The following SETBP1 variants were observed in gnomAD, a reference collection of about 807,000 sequenced individuals.
The protein encoded by SETBP1 is SET binding protein 1, also known as SET-binding protein.
Under a neutral mutation model 101.0 loss-of-function variants are expected in SETBP1, and 9 were observed. The ratio of observed to expected loss-of-function variants is 0.09; its 90% CI spans 0.05 to 0.16. The LOEUF (loss-of-function observed/expected upper bound fraction) is 0.16. Among genes scored for constraint, SETBP1 ranks in the 10% least tolerant of loss-of-function variants. SETBP1 has a pLI of 1.00. For synonymous variants in SETBP1, 818 were observed against 788.5 expected (o/e 1.04, Z -0.63); for missense variants, 1,858 against 2,033.8 (o/e 0.91, Z 1.66).
chr18:44,940,554 G>A (rs1330282537), intron 3 of SETBP1, among the ~76,000 whole-genome samples: 1 of 152,028 alleles, frequency 6.6e-6, no homozygotes, highest in Non-Finnish European at 1.5e-5. Flanking sequence ...TTGCTGTAGA[G>A]ATTACAATGC....
chr18:44,740,286 TGAC>T (rs2070067102), intron 2 of SETBP1, among the ~76,000 whole-genome samples: 1 of 152,138 alleles, frequency 6.6e-6, no homozygotes, highest in Admixed American at 6.5e-5. Context: ...TTTACGCTAA[TGAC>T]GATATTACCT....
At chr18:44,838,080 G>A (rs2072534723) in intron 2 of SETBP1, among the ~76,000 whole-genome samples, 1 of 152,120 alleles carries the variant, frequency 6.6e-6, no homozygotes, top group Non-Finnish European at 1.5e-5. Flanking sequence ...GATGATCCCA[G>A]GCTTAAGGAT....
intron 4 of SETBP1, among the ~76,000 whole-genome samples, chr18:45,012,356 G>A (rs977983380): frequency 3.3e-5 from 5 of 152,084 alleles, no homozygotes; most frequent in Admixed American, 2.0e-4. Flanking sequence ...TTGGCTAGTC[G>A]GAATAATTTC....
At chr18:44,751,305 G>C (rs918989845) in intron 2 of SETBP1, among the ~76,000 whole-genome samples, 5 of 152,170 alleles carry the variant, frequency 3.3e-5, no homozygotes, top group Admixed American at 2.6e-4. Flanking sequence ...TCTTTAGCTG[G>C]AAGACCTTCA....
chr18:44,948,129 C>A (rs947756216), intron 3 of SETBP1, among the ~76,000 whole-genome samples: 1 of 152,158 alleles, frequency 6.6e-6, no homozygotes, highest in Non-Finnish European at 1.5e-5. Context: ...CGGATTAATT[C>A]TCTATATGTT....
intron 4 of SETBP1, among the ~76,000 whole-genome samples, chr18:45,027,704 A>G (rs1255043400): frequency 6.6e-6 from 1 of 152,200 alleles, no homozygotes; most frequent in African/African-American, 2.4e-5. Flanking sequence ...TGGGCACCAA[A>G]GGAAGTGTTC....
In SETBP1 at chr18:45,063,946, T is replaced by G; in HGVS notation, c.*248T>G. 1 of 434,614 alleles carries G rather than the reference T, an allele frequency of 2.3e-6. No individual in the cohort carries two copies. The highest frequency in any genetic ancestry group is 4.2e-6 in the Non-Finnish European group (1 of 237,056). 26.9% of individuals were successfully genotyped at this position (434,614 alleles called of 1,614,324 possible). On this transcript the variant is annotated 3_prime_UTR_variant, in exon 6 of 6. Coordinates refer to ENST00000649279, the MANE Select transcript of SETBP1 (RefSeq NM_015559.3). ...CAGCTCCCACCACGCGGCGCTTCAG[T>G]ACGGCTGGATCCTCCGCAGGCGAGC...
intron 2 of SETBP1, among the ~76,000 whole-genome samples, chr18:44,786,892 T>A (rs1382340644): frequency 1.3e-5 from 2 of 152,218 alleles, no homozygotes; most frequent in African/African-American, 4.8e-5. Context: ...CCATCAGCTG[T>A]CGTGCTGAGG....
At chr18:44,897,330 T>A (rs2069930096) in intron 3 of SETBP1, among the ~76,000 whole-genome samples, 1 of 152,062 alleles carries the variant, frequency 6.6e-6, no homozygotes, top group African/African-American at 2.4e-5. Flanking sequence ...ACCTTCTGTA[T>A]ATTAGAAAGG....
At chr18:44,697,431 A>T (rs1021689558) in intron 1 of SETBP1, 1 of 152,324 alleles carries the variant, frequency 6.6e-6, no homozygotes, top group Admixed American at 6.5e-5. Context: ...GGGCTGGATT[A>T]TAATCCTCAG....
chr18:44,916,399 T>C (rs1416259726), intron 3 of SETBP1, among the ~76,000 whole-genome samples: 2 of 152,234 alleles, frequency 1.3e-5, no homozygotes, highest in African/African-American at 4.8e-5. Context: ...AATTTTCCCA[T>C]AGAGGACAAT....
intron 2 of SETBP1, among the ~76,000 whole-genome samples, chr18:44,736,493 G>A (rs2069970946): frequency 6.6e-6 from 1 of 152,090 alleles, no homozygotes; most frequent in Non-Finnish European, 1.5e-5. Context: ...CCCTAAGTTG[G>A]GAAGATACTG....
rs116387120 is a variant in SETBP1 at position 44,855,997 on chromosome 18, T to C, written c.487-13233T>C. Among the ~76,000 whole-genome samples the C allele has an allele frequency of 3.3e-3, 505 of 151,532 alleles. 3 individuals carry two copies. The highest frequency in any genetic ancestry group is 0.012 in the African/African-American group (480 of 41,316). ...ACGGGAGAGGATGAGTCCTCTAGTT[T>C]TGGTGTTTGGATCTAACTTCAGTCA... On this transcript the variant is annotated intron_variant, in intron 2 of 5. Transcript: ENST00000649279.
At chr18:44,722,264 T>A (rs1166854528) in intron 2 of SETBP1, among the ~76,000 whole-genome samples, 1 of 152,162 alleles carries the variant, frequency 6.6e-6, no homozygotes, top group Non-Finnish European at 1.5e-5. Context: ...AACCTGTTTA[T>A]ATTATTTTGG....
intron 4 of SETBP1, among the ~76,000 whole-genome samples, chr18:45,008,467 A>G (rs2072774338): frequency 6.6e-6 from 1 of 152,184 alleles, no homozygotes; most frequent in Admixed American, 6.5e-5. Context: ...GTCTGCCCTT[A>G]GGGAAGTAAT....
intron 1 of SETBP1, among the ~76,000 whole-genome samples, chr18:44,697,526 C>T (rs942533434): frequency 3.9e-4 from 59 of 152,188 alleles, no homozygotes; most frequent in African/African-American, 1.4e-3. Context: ...CTTTGAATAG[C>T]TGTCAGAGGG....
chr18:45,018,022 C>A (rs1425778622), intron 4 of SETBP1, among the ~76,000 whole-genome samples: 2 of 152,162 alleles, frequency 1.3e-5, no homozygotes, highest in African/African-American at 2.4e-5. Flanking sequence ...GCCTCAGTTT[C>A]CTCATCAGTG....
intron 4 of SETBP1, among the ~76,000 whole-genome samples, chr18:44,956,935 T>G (rs1438143430): frequency 6.6e-6 from 1 of 152,228 alleles, no homozygotes; most frequent in Non-Finnish European, 1.5e-5. Flanking sequence ...ACCATTTTTC[T>G]GTATTTTACG....
chr18:45,021,714 A>G (rs748582162), intron 4 of SETBP1, among the ~76,000 whole-genome samples: 5 of 152,134 alleles, frequency 3.3e-5, no homozygotes, highest in African/African-American at 1.2e-4. Flanking sequence ...GGAGGGTCTT[A>G]TTTTCTTGAA....
Sources: gnomAD v4.1 joint callset for allele counts (sites outside exome capture counted in the v4.1 genomes callset) on GRCh38, gnomAD v4.1.1 for gene constraint, MANE v1.5 for transcripts, NCBI Gene and HGNC (gene_info 2026-07-23, HGNC 2026-07-21) for gene names.